The following MAPK4 variants were observed in gnomAD, a reference collection of about 807,000 sequenced individuals.
The protein encoded by MAPK4 is mitogen-activated protein kinase 4, also known as Erk3-related.
Under a neutral mutation model 47.7 loss-of-function variants are expected in MAPK4, and 22 were observed. The observed-to-expected ratio is 0.46, with a 90% CI of 0.33 to 0.66. The LOEUF (loss-of-function observed/expected upper bound fraction) is 0.66, where lower values mean the gene tolerates loss of function less well. Ranked by LOEUF, MAPK4 falls within the 30% of genes least tolerant of loss-of-function variation. The pLI is 0.02. For synonymous variants in MAPK4, 390 were observed against 365.7 expected (o/e 1.07, Z -0.76); for missense variants, 736 against 831.7 (o/e 0.88, Z 1.42).
intron 1 of MAPK4, among the ~76,000 whole-genome samples, chr18:50,578,613 A>C (rs916999013): frequency 6.6e-6 from 1 of 152,258 alleles, no homozygotes; most frequent in Non-Finnish European, 1.5e-5. Flanking sequence ...AGAACCTATT[A>C]GCAAACTATA....
At position 50,676,951 on chromosome 18, in the gene MAPK4, T is replaced by A. The variant is rs80177519; in HGVS notation, c.546+12447T>A. ...ACCCCTGGGCTGAGGACCAGGACTG[T>A]CTGTGGCCTCTTAGAAACCAGGCCA... On this transcript the variant is annotated intron_variant, in intron 2 of 5. Transcript: ENST00000400384. Among the ~76,000 whole-genome samples, 1,045 of 152,316 alleles carry A rather than the reference T, an allele frequency of 6.9e-3. 24 individuals are homozygous for A. The East Asian group carries it at 0.073, about 11-fold the overall frequency.
Position 50,729,958 on chromosome 18 carries a change from G to A in MAPK4, c.*104G>A, listed in dbSNP as rs1358827851. ...TCCCGCCCCTCTCTGCTGCCTTGGGGTTGGCAGAACACGTGAAGGATCCGA... is the reference window on the plus strand; with the variant it reads ...TCCCGCCCCTCTCTGCTGCCTTGGGATTGGCAGAACACGTGAAGGATCCGA... On this transcript the variant is annotated 3_prime_UTR_variant, in exon 6 of 6. Coordinates refer to ENST00000400384, the MANE Select transcript of MAPK4 (RefSeq NM_002747.4). 5.6e-6 allele frequency: 7 copies of A among 1,238,968 alleles called. No individual in the cohort carries two copies. The highest frequency in any genetic ancestry group is 7.7e-6 in the Non-Finnish European group (7 of 914,954). The allele number at this position is 1,238,968 out of a possible 1,614,324, so 76.7% of individuals were successfully genotyped here. A position where few individuals can be genotyped will look rare whatever the true frequency, so the allele number is the denominator to read the frequency against.
intron 1 of MAPK4, among the ~76,000 whole-genome samples, chr18:50,622,988 T>C (rs2042745846): frequency 6.6e-6 from 1 of 152,212 alleles, no homozygotes; most frequent in Admixed American, 6.5e-5. Flanking sequence ...GCCCTTGAAG[T>C]AAGATAACTA....
intron 1 of MAPK4, among the ~76,000 whole-genome samples, chr18:50,585,554 A>G (rs2042381070): frequency 6.6e-6 from 1 of 152,164 alleles, no homozygotes. Context: ...CATAATGTGC[A>G]AAAGTATGAG....
At chr18:50,686,963 A>G (rs1908915465) in intron 2 of MAPK4, among the ~76,000 whole-genome samples, 1 of 152,220 alleles carries the variant, frequency 6.6e-6, no homozygotes, top group African/African-American at 2.4e-5. Flanking sequence ...TGTGTTTTAT[A>G]TATGTATGCA....
chr18:50,636,484 C>CT (rs1325872477), intron 1 of MAPK4, among the ~76,000 whole-genome samples: 1 of 152,210 alleles, frequency 6.6e-6, no homozygotes, highest in East Asian at 1.9e-4. Flanking sequence ...AGTCTTGCTG[C>CT]TCTGTAACCA....
rs1910963835 is a variant in MAPK4 at position 50,722,054 on chromosome 18, G to A, written c.808G>A (p.Val270Met). The stretch of plus-strand genomic sequence containing the variant: ...TTCCTTTGTCAGCAGCACCTGGGAG[G>A]TGAAGAGGCCTCTGCGCAAGCTGCT... ...MPSFVSSTWE[V>M]KRPLRKLLPE... The change falls in exon 4 of 6, where the codon GTG becomes ATG. Residue 270 changes from valine (V) to methionine (M), a missense_variant. By Grantham distance (21) the Val-to-Met change is conservative (BLOSUM62 1). Around this residue, in one of 3 missense-constraint regions of MAPK4, gnomAD observed 327 missense variants for 395.4 expected, o/e 0.83. Coordinates refer to ENST00000400384, the MANE Select transcript of MAPK4 (RefSeq NM_002747.4). 1.2e-6 allele frequency: 2 copies of A among 1,613,656 alleles called. No individual in the cohort carries two copies. Among genetic ancestry groups the A allele is most frequent in the Non-Finnish European group, 1.7e-6 (2 of 1,179,796 alleles).
At chr18:50,653,240 C>G (rs1336021897) in intron 1 of MAPK4, among the ~76,000 whole-genome samples, 1 of 151,462 alleles carries the variant, frequency 6.6e-6, no homozygotes. Flanking sequence ...GGCAGTTTCC[C>G]TAACAAAAGG....
chr18:50,681,325 CA>C (rs547440378), intron 2 of MAPK4, among the ~76,000 whole-genome samples: 5 of 151,740 alleles, frequency 3.3e-5, no homozygotes, highest in South Asian at 2.1e-4. Context: ...TGGATAATTG[CA>C]AAAAAAATTT....
intron 2 of MAPK4, among the ~76,000 whole-genome samples, chr18:50,684,065 T>A (rs1329362377): frequency 6.6e-6 from 1 of 151,636 alleles, no homozygotes; most frequent in Non-Finnish European, 1.5e-5. Flanking sequence ...GAGAGCCAGG[T>A]TGTGTTGTGC....
At chr18:50,597,779 A>G (rs1214818666) in intron 1 of MAPK4, among the ~76,000 whole-genome samples, 1 of 152,258 alleles carries the variant, frequency 6.6e-6, no homozygotes, top group African/African-American at 2.4e-5. Context: ...TCAGCTGTGT[A>G]TAGACACTTC....
chr18:50,613,834 G>C (rs1003206315), intron 1 of MAPK4, among the ~76,000 whole-genome samples: 1 of 152,138 alleles, frequency 6.6e-6, no homozygotes, highest in Non-Finnish European at 1.5e-5. Flanking sequence ...GTAAGCCAGG[G>C]CATTGCATTG....
chr18:50,575,900 A>G (rs990874489), intron 1 of MAPK4, among the ~76,000 whole-genome samples: 1 of 152,210 alleles, frequency 6.6e-6, no homozygotes, highest in Admixed American at 6.5e-5. Context: ...AAAAATGCCA[A>G]CATCACTATT....
intron 3 of MAPK4, among the ~76,000 whole-genome samples, chr18:50,717,646 C>G (rs1910712742): frequency 6.6e-6 from 1 of 152,144 alleles, no homozygotes; most frequent in Non-Finnish European, 1.5e-5. Context: ...TCCTTAGCAT[C>G]CATGTGGGCT....
chr18:50,641,935 T>G (rs1049389313), intron 1 of MAPK4, among the ~76,000 whole-genome samples: 3 of 152,246 alleles, frequency 2.0e-5, no homozygotes, highest in African/African-American at 7.2e-5. Context: ...TAAGGGTTTG[T>G]ATTTTACAAA....
intron 2 of MAPK4, among the ~76,000 whole-genome samples, chr18:50,711,524 G>A (rs961397759): frequency 3.9e-5 from 6 of 152,246 alleles, no homozygotes; most frequent in African/African-American, 1.2e-4. Context: ...CCTCACACAA[G>A]AGGCTGGCCC....
At chr18:50,579,859 G>C (rs1451977060) in intron 1 of MAPK4, among the ~76,000 whole-genome samples, 2 of 152,172 alleles carry the variant, frequency 1.3e-5, no homozygotes, top group Non-Finnish European at 2.9e-5. Flanking sequence ...TGTTGGCTAG[G>C]GACAAGTGCA....
chr18:50,665,760 CA>C (rs1907566451), intron 2 of MAPK4, among the ~76,000 whole-genome samples: 1 of 152,200 alleles, frequency 6.6e-6, no homozygotes, highest in Non-Finnish European at 1.5e-5. Context: ...CTTGGTGCCA[CA>C]AATTACTTAG....
rs573514973 is a variant in MAPK4 at position 50,717,794 on chromosome 18, A to G, written c.691+2571A>G. ...CTTGTTCACTGTAGAGTGACCACAT[A>G]TGGGCAGCTGGTGTAATAATTAGCT... is the stretch of plus-strand genomic sequence containing the variant. On this transcript the variant is annotated intron_variant, in intron 3 of 5. Transcript: ENST00000400384. Among the ~76,000 whole-genome samples the G allele has an allele frequency of 2.6e-5, 4 of 152,308 alleles. No homozygotes were observed. In the East Asian group the frequency reaches 5.8e-4, roughly 22 times the overall value.
Sources: gnomAD v4.1 joint callset for allele counts (sites outside exome capture counted in the v4.1 genomes callset) on GRCh38, gnomAD v4.1.1 for gene constraint, gnomAD v4.1.1 regional missense constraint, MANE v1.5 for transcripts, NCBI Gene and HGNC (gene_info 2026-07-23, HGNC 2026-07-21) for gene names.